The following ADAMTSL1 variants were observed in gnomAD, a reference collection of about 807,000 sequenced individuals.
ADAMTSL1 encodes the protein ADAMTS-like protein 1.
Under a neutral mutation model 201.8 loss-of-function variants are expected in ADAMTSL1, and 126 were observed. That is an observed-to-expected ratio of 0.62 (90% confidence interval 0.54 to 0.72). The LOEUF (loss-of-function observed/expected upper bound fraction) is 0.72. ADAMTSL1 is among the 30% of genes least tolerant of loss of function. The probability of loss-of-function intolerance (pLI) is 0.00; values close to 1 mark genes in which losing one functional copy is unlikely to be tolerated. For synonymous variants in ADAMTSL1, 1,121 were observed against 903.4 expected, an observed-to-expected ratio of 1.24 and a Z score of -4.32; for missense variants, 2,679 against 2,277.8, an observed-to-expected ratio of 1.18 and a Z score of -3.59.
At chr9:18,703,134 T>C (rs1306116221) in intron 13 of ADAMTSL1, among the ~76,000 whole-genome samples, 1 of 152,282 alleles carries the variant, frequency 6.6e-6, no homozygotes, top group East Asian at 1.9e-4. Context: ...AATGTACTGA[T>C]TTAAAAACAA....
intron 14 of ADAMTSL1, among the ~76,000 whole-genome samples, chr9:18,716,788 C>T (rs1029925236): frequency 1.4e-5 from 2 of 144,724 alleles, no homozygotes; most frequent in Admixed American, 7.2e-5. Context: ...CACATGCACA[C>T]ATATGTTTAT....
intron 20 of ADAMTSL1, among the ~76,000 whole-genome samples, chr9:18,800,764 T>A (rs575997656): frequency 6.6e-6 from 1 of 152,350 alleles, no homozygotes; most frequent in African/African-American, 2.4e-5. Context: ...TGGTGGGATA[T>A]ACCACATCCT....
chr9:18,826,811 C>T (rs1403270958), intron 22 of ADAMTSL1, among the ~76,000 whole-genome samples: 2 of 152,220 alleles, frequency 1.3e-5, no homozygotes, highest in African/African-American at 4.8e-5. Context: ...TTGTCCTTAA[C>T]TCTTCCTGCA....
intron 1 of ADAMTSL1, among the ~76,000 whole-genome samples, chr9:17,969,654 G>A (rs919001509): frequency 1.3e-5 from 2 of 152,008 alleles, no homozygotes; most frequent in South Asian, 2.1e-4. Context: ...TATACTAAAT[G>A]AGCTAGAACA....
At chr9:18,021,042 A>G (rs1442112320) in intron 1 of ADAMTSL1, among the ~76,000 whole-genome samples, 1 of 152,114 alleles carries the variant, frequency 6.6e-6, no homozygotes, top group Non-Finnish European at 1.5e-5. Flanking sequence ...CTGGGATCCT[A>G]TTAAAATGGA....
chr9:18,903,147 G>A (rs1165458282), intron 26 of ADAMTSL1, among the ~76,000 whole-genome samples: 1 of 152,164 alleles, frequency 6.6e-6, no homozygotes, highest in Non-Finnish European at 1.5e-5. Context: ...GGAAGTTGCA[G>A]TGAGCAGAGA....
intron 2 of ADAMTSL1, among the ~76,000 whole-genome samples, chr9:18,293,074 TAC>T: frequency 6.6e-6 from 1 of 152,286 alleles, no homozygotes; most frequent in East Asian, 1.9e-4. Flanking sequence ...TTTGAGGGAA[TAC>T]TAAGTGCCAG....
chr9:18,155,285 C>T (rs569814385), intron 1 of ADAMTSL1, among the ~76,000 whole-genome samples: 4 of 152,122 alleles, frequency 2.6e-5, no homozygotes, highest in African/African-American at 9.6e-5. Context: ...ATTCATTGCA[C>T]TAACTGGATA....
At chr9:18,117,564 A>C (rs1825307694) in intron 1 of ADAMTSL1, among the ~76,000 whole-genome samples, 1 of 152,132 alleles carries the variant, frequency 6.6e-6, no homozygotes, top group African/African-American at 2.4e-5. Context: ...CCATCTTATT[A>C]AACTAGGACT....
intron 23 of ADAMTSL1, among the ~76,000 whole-genome samples, chr9:18,838,515 A>T (rs987499104): frequency 2.6e-5 from 4 of 151,794 alleles, no homozygotes; most frequent in Non-Finnish European, 5.9e-5. Context: ...CTCCAGTTTA[A>T]AAATAAATAA....
At chr9:18,345,371 A>G (rs1835668884) in intron 2 of ADAMTSL1, among the ~76,000 whole-genome samples, 1 of 151,972 alleles carries the variant, frequency 6.6e-6, no homozygotes, top group Non-Finnish European at 1.5e-5. Flanking sequence ...AGAAGAACTA[A>G]CATCAGAAAC....
chr9:17,973,435 T>G (rs1171131065), intron 1 of ADAMTSL1, among the ~76,000 whole-genome samples: 1 of 129,010 alleles, frequency 7.8e-6, no homozygotes, highest in Admixed American at 8.5e-5. Flanking sequence ...CTTTCCCCAT[T>G]TCTTGTTTTT....
intron 1 of ADAMTSL1, among the ~76,000 whole-genome samples, chr9:18,148,587 GA>G (rs1826763783): frequency 6.6e-6 from 1 of 151,888 alleles, no homozygotes; most frequent in African/African-American, 2.4e-5. Context: ...AATAAATAAA[GA>G]ATTTTTTATT....
chr9:18,741,679 A>T (rs1344652701), intron 15 of ADAMTSL1, among the ~76,000 whole-genome samples: 2 of 152,186 alleles, frequency 1.3e-5, no homozygotes, highest in African/African-American at 4.8e-5. Context: ...GCTCCTTCTA[A>T]AACTTGTAGG....
intron 2 of ADAMTSL1, among the ~76,000 whole-genome samples, chr9:18,241,410 A>G (rs905886899): frequency 3.3e-5 from 5 of 152,054 alleles, no homozygotes; most frequent in Non-Finnish European, 7.4e-5. Flanking sequence ...TAAGCTTCCT[A>G]GTCTTGCTCC....
chr9:18,825,119 G>A (rs537675135), intron 21 of ADAMTSL1, among the ~76,000 whole-genome samples: 4 of 152,168 alleles, frequency 2.6e-5, no homozygotes, highest in African/African-American at 9.6e-5. Context: ...AGAGACCTGT[G>A]AATCCGTGCC....
chr9:18,224,773 C>T (rs1038792777), intron 2 of ADAMTSL1, among the ~76,000 whole-genome samples: 8 of 152,088 alleles, frequency 5.3e-5, no homozygotes, highest in South Asian at 2.1e-4. Flanking sequence ...CAGGCATGGT[C>T]ACAGTACTCC....
intron 2 of ADAMTSL1, among the ~76,000 whole-genome samples, chr9:18,353,617 T>C (rs907834703): frequency 6.6e-6 from 1 of 152,200 alleles, no homozygotes; most frequent in Non-Finnish European, 1.5e-5. Flanking sequence ...AGCTGTAACT[T>C]ACCTGACTTT....
At chr9:18,026,964 C>T (rs778922821) in intron 1 of ADAMTSL1, among the ~76,000 whole-genome samples, 29 of 152,066 alleles carry the variant, frequency 1.9e-4, no homozygotes, top group African/African-American at 4.8e-4. Flanking sequence ...GGAATTTACC[C>T]ATTTCCTCTA....
Sources: allele counts gnomAD v4.1 joint callset (sites outside exome capture counted in the v4.1 genomes callset), GRCh38; gene constraint gnomAD v4.1.1; transcripts MANE v1.5; gene names NCBI Gene and HGNC (gene_info 2026-07-23, HGNC 2026-07-21).